Variants in ZNF804A observed in about 807,000 individuals in gnomAD.
The protein encoded by ZNF804A is zinc finger protein 804A.
In ZNF804A, 2 loss-of-function variants were observed where a neutral mutation model predicts 16.5. The observed-to-expected ratio is 0.12, with a 90% CI of 0.05 to 0.38. The LOEUF is 0.38. Among genes scored for constraint, ZNF804A ranks in the 10% least tolerant of loss-of-function variants. The probability of loss-of-function intolerance (pLI) is 0.99; values close to 1 mark genes in which losing one functional copy is unlikely to be tolerated. For synonymous variants in ZNF804A, 534 were observed against 489.6 expected (o/e 1.09, Z -1.20); for missense variants, 1,473 against 1,390.7 (o/e 1.06, Z -0.94).
intron 1 of ZNF804A, among the ~76,000 whole-genome samples, chr2:184,778,059 C>T (rs565728706): frequency 6.6e-6 from 1 of 151,658 alleles, no homozygotes; most frequent in East Asian, 1.9e-4. Context: ...TTAGAAGATT[C>T]TACATTGGAA....
At chr2:184,842,220 C>T (rs1447829724) in intron 1 of ZNF804A, among the ~76,000 whole-genome samples, 3 of 152,132 alleles carry the variant, frequency 2.0e-5, no homozygotes, top group Non-Finnish European at 4.4e-5. Flanking sequence ...AGTGCACAGA[C>T]TATCACTCCC....
intron 2 of ZNF804A, among the ~76,000 whole-genome samples, chr2:184,897,811 T>A (rs1217364045): frequency 6.6e-6 from 1 of 152,090 alleles, no homozygotes; most frequent in Non-Finnish European, 1.5e-5. Context: ...ATAGTTTCTT[T>A]GTTTCTTTAT....
chr2:184,929,316 T>C (rs898578929), intron 2 of ZNF804A, among the ~76,000 whole-genome samples: 6 of 152,194 alleles, frequency 3.9e-5, no homozygotes, highest in Admixed American at 2.6e-4. Context: ...AAACAGTAAA[T>C]AGTGAAAGTC....
chr2:184,797,903 G>A (rs756280945), intron 1 of ZNF804A, among the ~76,000 whole-genome samples: 2 of 151,956 alleles, frequency 1.3e-5, no homozygotes, highest in Admixed American at 6.6e-5. Flanking sequence ...GTTGTGGCTT[G>A]GTAGTGGTGA....
Position 184,937,805 on chromosome 2 carries a change from T to C in ZNF804A, c.2409T>C (p.Val803=). 1 of 1,614,104 alleles carries C rather than the reference T, an allele frequency of 6.2e-7. No individual in the cohort carries two copies. The change falls in exon 4 of 4, where the codon GTT becomes GTC. Residue 803 remains valine (V), a synonymous_variant. Coordinates refer to ENST00000302277, the MANE Select transcript of ZNF804A (RefSeq NM_194250.2). ...EEFLRPPSTS[V]APCKPKKKRR... ...TTTTGAGGCCACCAAGTACTTCAGT[T>C]GCTCCCTGCAAGCCTAAAAAGAAAC...
Position 184,792,187 on chromosome 2 carries a change from G to T in ZNF804A, c.112-74182G>T, listed in dbSNP as rs564739456. On this transcript the variant is annotated intron_variant, in intron 1 of 3. Transcript: ENST00000302277. Reference sequence around the variant, plus strand: ...TTCATTTGAGTGGATACCCAGGAATGCAACTGCTGGATCATATGGTAAGAG... The same window carrying T: ...TTCATTTGAGTGGATACCCAGGAATTCAACTGCTGGATCATATGGTAAGAG... Among the ~76,000 whole-genome samples, 3 of 152,276 alleles carry T rather than the reference G, an allele frequency of 2.0e-5. 1 individual carries two copies. In the South Asian group the frequency reaches 6.2e-4, roughly 32 times the overall value.
At chr2:184,651,911 A>G (rs1426408001) in intron 1 of ZNF804A, among the ~76,000 whole-genome samples, 1 of 152,186 alleles carries the variant, frequency 6.6e-6, no homozygotes, top group Non-Finnish European at 1.5e-5. Flanking sequence ...TAACAGAGCT[A>G]CGGTTCGACT....
intron 1 of ZNF804A, among the ~76,000 whole-genome samples, chr2:184,628,174 C>T (rs1691537344): frequency 6.6e-6 from 1 of 151,996 alleles, no homozygotes; most frequent in South Asian, 2.1e-4. Context: ...ATTAACCGGG[C>T]ATGGTGGCGC....
chr2:184,844,605 T>C (rs1431469318), intron 1 of ZNF804A, among the ~76,000 whole-genome samples: 1 of 151,988 alleles, frequency 6.6e-6, no homozygotes, highest in East Asian at 1.9e-4. Flanking sequence ...GGTAACACTT[T>C]TTTTTTTTCC....
At chr2:184,781,706 G>A (rs1029898374) in intron 1 of ZNF804A, among the ~76,000 whole-genome samples, 1 of 151,786 alleles carries the variant, frequency 6.6e-6, no homozygotes, top group African/African-American at 2.4e-5. Context: ...TTATAAAAAG[G>A]GTTTTAGCTC....
At chr2:184,648,250 T>C (rs1296720110) in intron 1 of ZNF804A, among the ~76,000 whole-genome samples, 1 of 152,054 alleles carries the variant, frequency 6.6e-6, no homozygotes, top group African/African-American at 2.4e-5. Flanking sequence ...ATACAAGAGA[T>C]TTTTAAGGGA....
intron 1 of ZNF804A, among the ~76,000 whole-genome samples, chr2:184,793,145 G>A (rs142242238): frequency 5.3e-5 from 8 of 152,156 alleles, no homozygotes; most frequent in East Asian, 3.9e-4. Context: ...TGGTGTATAT[G>A]TACCATGTTT....
chr2:184,820,923 A>G (rs550559172), intron 1 of ZNF804A, among the ~76,000 whole-genome samples: 1 of 152,262 alleles, frequency 6.6e-6, no homozygotes, highest in South Asian at 2.1e-4. Context: ...GAGAGGCCAC[A>G]AACAAACAGG....
chr2:184,715,044 A>G (rs1310159079), intron 1 of ZNF804A, among the ~76,000 whole-genome samples: 3 of 152,172 alleles, frequency 2.0e-5, no homozygotes, highest in African/African-American at 7.2e-5. Context: ...AGCCAGACTA[A>G]GAACTTAAAT....
intron 1 of ZNF804A, among the ~76,000 whole-genome samples, chr2:184,623,244 A>G (rs1691445857): frequency 1.3e-5 from 2 of 152,092 alleles, no homozygotes; most frequent in Non-Finnish European, 2.9e-5. Flanking sequence ...AAATACTGGG[A>G]AGTAATGGGA....
intron 2 of ZNF804A, among the ~76,000 whole-genome samples, chr2:184,878,526 C>T (rs374961905): frequency 6.6e-5 from 10 of 152,070 alleles, no homozygotes; most frequent in African/African-American, 1.9e-4. Flanking sequence ...TCCTGGACCT[C>T]GGCATGCCCT....
chr2:184,692,802 C>CATA (rs1431194208), intron 1 of ZNF804A, among the ~76,000 whole-genome samples: 2 of 152,118 alleles, frequency 1.3e-5, no homozygotes, highest in Admixed American at 1.3e-4. Context: ...TATTTCATGG[C>CATA]ATTTAGCCAG....
chr2:184,622,478 A>G (rs1559110617), intron 1 of ZNF804A, among the ~76,000 whole-genome samples: 1 of 151,802 alleles, frequency 6.6e-6, no homozygotes, highest in Non-Finnish European at 1.5e-5. Context: ...ATTTTGCATT[A>G]GATATTAATA....
At chr2:184,674,748 G>T (rs1244705695) in intron 1 of ZNF804A, among the ~76,000 whole-genome samples, 1 of 150,798 alleles carries the variant, frequency 6.6e-6, no homozygotes, top group Non-Finnish European at 1.5e-5. Context: ...CCAGAATACA[G>T]GAATACAGAT....
Sources: allele counts gnomAD v4.1 joint callset (sites outside exome capture counted in the v4.1 genomes callset), GRCh38; gene constraint gnomAD v4.1.1; transcripts MANE v1.5; gene names NCBI Gene and HGNC (gene_info 2026-07-23, HGNC 2026-07-21).